The following IKBKB variants were observed in gnomAD, a reference collection of about 807,000 sequenced individuals.
IKBKB encodes the protein inhibitor of nuclear factor kappa B kinase subunit beta.
A neutral mutation model predicts 113.6 loss-of-function variants in IKBKB; 42 were observed. The ratio of observed to expected loss-of-function variants is 0.37; its 90% confidence interval spans 0.29 to 0.48. The LOEUF is 0.48. Among genes scored for constraint, IKBKB ranks in the 20% least tolerant of loss-of-function variants. The pLI, the probability that IKBKB is intolerant of heterozygous loss-of-function variation, is 0.99. For synonymous variants in IKBKB, 296 were observed against 361.3 expected (o/e 0.82, Z 2.05); for missense variants, 673 against 939.7 (o/e 0.72, Z 3.71).
chr8:42,329,460 C>A, intron 21 of IKBKB: 1 of 892,748 alleles, frequency 1.1e-6, no homozygotes, highest in Non-Finnish European at 1.4e-6. Flanking sequence ...GTAGCTGGGA[C>A]TACAGGCGTG....
At chr8:42,272,314 T>A in intron 2 of IKBKB, 109 bp downstream of exon 2, 1 of 1,479,806 alleles carries the variant, frequency 6.8e-7, no homozygotes, top group Non-Finnish European at 9.3e-7. Context: ...GCTTTGGTCA[T>A]CTTGGGACAG....
At chr8:42,299,228 A>G (rs1585658054) in intron 5 of IKBKB, among the ~76,000 whole-genome samples, 1 of 152,220 alleles carries the variant, frequency 6.6e-6, no homozygotes, top group South Asian at 2.1e-4. Context: ...TCACAGAGTC[A>G]GCCCCCGCTC....
intron 2 of IKBKB, among the ~76,000 whole-genome samples, chr8:42,288,422 G>A (rs992640445): frequency 1.3e-5 from 2 of 150,672 alleles, no homozygotes; most frequent in Admixed American, 1.3e-4. Flanking sequence ...AAGAAATGAG[G>A]CTGGAGAGGT....
intron 12 of IKBKB, among the ~76,000 whole-genome samples, chr8:42,317,979 A>C (rs1358084304): frequency 1.3e-5 from 2 of 152,028 alleles, no homozygotes; most frequent in African/African-American, 4.8e-5. Context: ...TCAACCTCCT[A>C]GGACGGGCGT....
chr8:42,279,818 G>A (rs189155279), intron 2 of IKBKB, among the ~76,000 whole-genome samples: 2 of 152,234 alleles, frequency 1.3e-5, no homozygotes, highest in East Asian at 3.9e-4. Context: ...CCTTTTTGAA[G>A]CAGGAAGGGG....
At chr8:42,320,884 A>G in intron 16 of IKBKB, 40 bp downstream of exon 16, 1 of 1,339,396 alleles carries the variant, frequency 7.5e-7, no homozygotes, top group Non-Finnish European at 1.0e-6. Flanking sequence ...CCCAGCACAC[A>G]CAGACAGCCC....
chr8:42,272,516 T>C, intron 2 of IKBKB: 1 of 414,864 alleles, frequency 2.4e-6, no homozygotes, highest in Non-Finnish European at 4.2e-6. Context: ...TTATAAAACA[T>C]ATAGAAATAG....
rs199756216 is a variant in IKBKB at position 42,317,723 on chromosome 8, G to A, written c.1192G>A (p.Glu398Lys). The A allele has an allele frequency of 6.2e-6, 10 of 1,613,910 alleles. No homozygotes were observed. The highest frequency in any genetic ancestry group is 7.6e-6 in the Non-Finnish European group (9 of 1,179,912). The change falls in exon 12 of 22, where the codon GAG becomes AAG. Residue 398 changes from glutamate (E) to lysine (K), a missense_variant. By Grantham distance (56) the Glu-to-Lys change is moderately conservative. This residue lies in a region of IKBKB where 506 missense variants were observed against 638.7 expected (regional missense o/e 0.79). Transcript: ENST00000520810. The stretch of plus-strand genomic sequence containing the variant: ...CTTTGACAACAGTAAAATCACCTAT[G>A]AGACTCAGATCTCCCCACGGCCCCA... ...FLFDNSKITY[E>K]TQISPRPQPE... is the part of the protein sequence containing the mutation.
chr8:42,296,634 AG>A (rs1212215528), intron 5 of IKBKB, among the ~76,000 whole-genome samples: 1 of 148,886 alleles, frequency 6.7e-6, no homozygotes, highest in African/African-American at 2.6e-5. Flanking sequence ...GGGCAACAAG[AG>A]TGAAACTCCA....
chr8:42,308,602 A>G (rs1450256040), intron 7 of IKBKB, among the ~76,000 whole-genome samples: 1 of 151,992 alleles, frequency 6.6e-6, no homozygotes, highest in East Asian at 1.9e-4. Flanking sequence ...CCAGCCTGCA[A>G]CCCTCAGTTT....
intron 5 of IKBKB, 130 bp downstream of exon 5, chr8:42,293,642 G>T: frequency 1.3e-6 from 2 of 1,510,326 alleles, no homozygotes; most frequent in South Asian, 1.2e-5. Flanking sequence ...GGGAGCCCAG[G>T]GACGGGGGAC....
chr8:42,289,563 G>A (rs1301618775), intron 3 of IKBKB, among the ~76,000 whole-genome samples: 1 of 152,176 alleles, frequency 6.6e-6, no homozygotes, highest in African/African-American at 2.4e-5. Flanking sequence ...TAGCTAGTGA[G>A]GCGTGAGGTG....
intron 2 of IKBKB, among the ~76,000 whole-genome samples, chr8:42,281,833 C>T (rs1001610312): frequency 4.6e-5 from 7 of 152,226 alleles, no homozygotes; most frequent in South Asian, 2.1e-4. Flanking sequence ...GCCATGATAA[C>T]GGGACACTGG....
At chr8:42,305,061 G>A (rs1751979775) in intron 5 of IKBKB, 126 bp from the exon 6 acceptor site, 2 of 672,622 alleles carry the variant, frequency 3.0e-6, no homozygotes, top group Non-Finnish European at 5.3e-6. Flanking sequence ...CCTCCACCCT[G>A]AGGTATTGCG....
At chr8:42,287,729 A>G (rs1811703745) in intron 2 of IKBKB, among the ~76,000 whole-genome samples, 1 of 152,212 alleles carries the variant, frequency 6.6e-6, no homozygotes, top group Non-Finnish European at 1.5e-5. Context: ...AGTCAGACCA[A>G]GTGGTTTACC....
rs1585848537 is a variant in IKBKB, at chr8:42,331,036, G to A, written c.*57G>A. On this transcript the variant is annotated 3_prime_UTR_variant, in exon 22 of 22. Transcript: ENST00000520810. ...AGCCCATAGCAGGCCTTGTGCAGTG[G>A]GGGGACTCGACCCCCTGACATGGGG... is the stretch of plus-strand genomic sequence containing the variant. The A allele has an allele frequency of 5.0e-6, 8 of 1,596,284 alleles. No individual in the cohort carries two copies. In the East Asian group the frequency reaches 6.7e-5, roughly 13 times the overall value.
chr8:42,314,509 T>A lies in IKBKB; in HGVS notation c.800+80T>A, dbSNP rs948536233. 4.0e-5 allele frequency: 36 copies of A among 909,254 alleles called. No homozygotes were observed. In the South Asian group the frequency reaches 4.7e-4, roughly 12 times the overall value. 56.3% of individuals were successfully genotyped at this position (909,254 alleles called of 1,614,324 possible). A position where few individuals can be genotyped will look rare whatever the true frequency, so the allele number is the denominator to read the frequency against. On this transcript the variant is annotated intron_variant, in intron 9 of 21. Coordinates refer to ENST00000520810, the MANE Select transcript of IKBKB (RefSeq NM_001556.3). ...ACAAGTCTTGGCTGGCCGTGGTGGCTCACACCTGTAATCCTAACAGTTTGG... is the reference window on the plus strand; with the variant it reads ...ACAAGTCTTGGCTGGCCGTGGTGGCACACACCTGTAATCCTAACAGTTTGG...
chr8:42,274,188 G>A (rs1208216010), intron 2 of IKBKB, among the ~76,000 whole-genome samples: 3 of 151,792 alleles, frequency 2.0e-5, no homozygotes, highest in Non-Finnish European at 4.4e-5. Flanking sequence ...GCACCACCAT[G>A]CCAGCTAATT....
At chr8:42,293,942 T>A (rs1256171742) in intron 5 of IKBKB, among the ~76,000 whole-genome samples, 2 of 152,164 alleles carry the variant, frequency 1.3e-5, no homozygotes. Context: ...ATCCCTTGGG[T>A]ACTGTTGGCT....
Sources: allele counts gnomAD v4.1 joint callset (sites outside exome capture counted in the v4.1 genomes callset), GRCh38; gene constraint gnomAD v4.1.1; regional missense constraint gnomAD v4.1.1; transcripts MANE v1.5; gene names NCBI Gene and HGNC (gene_info 2026-07-23, HGNC 2026-07-21).